The following PRKCA variants were observed in gnomAD, a reference collection of about 807,000 sequenced individuals.
The protein encoded by PRKCA is protein kinase C alpha, also known as protein kinase C alpha type.
In PRKCA, 27 loss-of-function variants were observed where a neutral mutation model predicts 87.0. That is an observed-to-expected ratio of 0.31 (90% confidence interval 0.23 to 0.43). The LOEUF is 0.43. Among genes scored for constraint, PRKCA ranks in the 20% least tolerant of loss-of-function variants. PRKCA has a pLI of 1.00. For synonymous variants in PRKCA, 329 were observed against 311.1 expected (o/e 1.06, Z -0.61); for missense variants, 518 against 852.3 (o/e 0.61, Z 4.88).
chr17:66,747,239 T>A (rs1217276205), intron 13 of PRKCA, among the ~76,000 whole-genome samples: 1 of 152,122 alleles, frequency 6.6e-6, no homozygotes, highest in Non-Finnish European at 1.5e-5. Context: ...CTGCTAATTT[T>A]AAAAAAATTT....
intron 3 of PRKCA, among the ~76,000 whole-genome samples, chr17:66,623,526 C>G (rs1970753510): frequency 6.6e-6 from 1 of 152,024 alleles, no homozygotes; most frequent in Non-Finnish European, 1.5e-5. Context: ...TGTGCCGTGC[C>G]TTGGGAGGGA....
intron 3 of PRKCA, among the ~76,000 whole-genome samples, chr17:66,585,232 A>AT (rs1282198390): frequency 6.6e-6 from 1 of 152,144 alleles, no homozygotes; most frequent in Non-Finnish European, 1.5e-5. Context: ...GGCCAGCGCC[A>AT]TGTTGCCTGC....
At chr17:66,380,811 T>G (rs1410304045) in intron 2 of PRKCA, among the ~76,000 whole-genome samples, 2 of 152,132 alleles carry the variant, frequency 1.3e-5, no homozygotes, top group African/African-American at 2.4e-5. Context: ...GTTTAACCAA[T>G]GAAATGATGC....
chr17:66,579,114 C>T (rs910932220), intron 3 of PRKCA, among the ~76,000 whole-genome samples: 2 of 152,216 alleles, frequency 1.3e-5, no homozygotes, highest in Non-Finnish European at 2.9e-5. Context: ...TCAGCCCCTG[C>T]TGTGGCGCTG....
At chr17:66,682,133 C>A (rs1972510489) in intron 5 of PRKCA, among the ~76,000 whole-genome samples, 1 of 152,190 alleles carries the variant, frequency 6.6e-6, no homozygotes, top group African/African-American at 2.4e-5. Context: ...ACTCTCATGT[C>A]CTGGGTTCCC....
chr17:66,432,400 A>T (rs1378103906), intron 2 of PRKCA, among the ~76,000 whole-genome samples: 1 of 151,954 alleles, frequency 6.6e-6, no homozygotes, highest in Non-Finnish European at 1.5e-5. Flanking sequence ...TACTTCCCCC[A>T]AGCACACTCT....
chr17:66,493,212 T>C (rs1402975487), intron 2 of PRKCA, among the ~76,000 whole-genome samples: 1 of 152,172 alleles, frequency 6.6e-6, no homozygotes, highest in Non-Finnish European at 1.5e-5. Context: ...AAAAGAATTA[T>C]CCATGATTCT....
intron 13 of PRKCA, among the ~76,000 whole-genome samples, chr17:66,755,543 T>A (rs1366433921): frequency 6.6e-6 from 1 of 152,186 alleles, no homozygotes; most frequent in African/African-American, 2.4e-5. Flanking sequence ...TTATGGCTTA[T>A]TTTATTGAAG....
In PRKCA at chr17:66,666,061, T is replaced by G. The variant is rs541287567; in HGVS notation, c.529+20550T>G. On this transcript the variant is annotated intron_variant, in intron 5 of 16. Coordinates refer to ENST00000413366, the MANE Select transcript of PRKCA (RefSeq NM_002737.3). ...TATGAATTTACAGAGAACAATAAAG[T>G]TGACCATGTGACTTGATGAGAGCAA... is the stretch of plus-strand genomic sequence containing the variant. 7.9e-5 allele frequency among the ~76,000 whole-genome samples: 12 copies of G among 152,270 alleles called. 1 individual carries two copies. In the South Asian group the frequency reaches 2.3e-3, roughly 29 times the overall value.
intron 3 of PRKCA, 71 bp downstream of exon 3, chr17:66,496,354 C>A: frequency 7.5e-7 from 1 of 1,332,672 alleles, no homozygotes; most frequent in Non-Finnish European, 1.1e-6. Context: ...AACGCCTGTG[C>A]AACTGTTAGT....
intron 2 of PRKCA, among the ~76,000 whole-genome samples, chr17:66,325,900 C>T (rs1238943171): frequency 6.6e-6 from 1 of 152,046 alleles, no homozygotes; most frequent in African/African-American, 2.4e-5. Context: ...TAAAACTGGA[C>T]TTTTGTGTAA....
At chr17:66,579,109 C>T (rs1416969389) in intron 3 of PRKCA, among the ~76,000 whole-genome samples, 1 of 152,198 alleles carries the variant, frequency 6.6e-6, no homozygotes, top group African/African-American at 2.4e-5. Flanking sequence ...CACAGTCAGC[C>T]CCTGCTGTGG....
intron 14 of PRKCA, chr17:66,777,706 C>A: frequency 4.1e-6 from 4 of 985,356 alleles, no homozygotes; most frequent in South Asian, 4.7e-5. Context: ...GAAAACAAAC[C>A]CTGCTTTCAT....
At chr17:66,663,030 C>A (rs1283989457) in intron 5 of PRKCA, among the ~76,000 whole-genome samples, 1 of 152,220 alleles carries the variant, frequency 6.6e-6, no homozygotes, top group African/African-American at 2.4e-5. Context: ...CCCTCTTCTG[C>A]TGGCGGATGG....
intron 2 of PRKCA, among the ~76,000 whole-genome samples, chr17:66,448,303 C>T (rs765082928): frequency 3.3e-5 from 5 of 152,106 alleles, no homozygotes; most frequent in African/African-American, 7.2e-5. Context: ...ATTGGAAAAA[C>T]GAGATCTGTT....
intron 3 of PRKCA, among the ~76,000 whole-genome samples, chr17:66,519,432 C>G (rs1967081912): frequency 6.6e-6 from 1 of 152,144 alleles, no homozygotes; most frequent in Admixed American, 6.6e-5. Context: ...ATTTTGTTGA[C>G]TGGGGCCTTA....
chr17:66,303,095 G>GCGTCCGCCC, intron 1 of PRKCA, 71 bp downstream of exon 1: 1 of 1,565,450 alleles, frequency 6.4e-7, no homozygotes. Context: ...GCGCTCCGGC[G>GCGTCCGCCC]CGTCCGCCCC....
At position 66,716,420 on chromosome 17, in the gene PRKCA, G is replaced by A. The variant is rs568618639; in HGVS notation, c.919-16268G>A. 1.3e-3 allele frequency among the ~76,000 whole-genome samples: 205 copies of A among 152,176 alleles called. 1 individual carries two copies. The highest frequency in any genetic ancestry group is 3.1e-3 in the African/African-American group (130 of 41,500). On this transcript the variant is annotated intron_variant, in intron 8 of 16. Coordinates refer to ENST00000413366, the MANE Select transcript of PRKCA (RefSeq NM_002737.3). ...GCGCACTGGGCCTTCCTCTAAGCCG[G>A]GCATCAGACGCAAGTGTGCCATCAG...
intron 13 of PRKCA, among the ~76,000 whole-genome samples, chr17:66,759,621 A>G (rs1285033815): frequency 6.6e-6 from 1 of 152,224 alleles, no homozygotes; most frequent in African/African-American, 2.4e-5. Flanking sequence ...TTTCAAAGTC[A>G]TTGGTCTAAA....
Sources: allele counts gnomAD v4.1 joint callset (sites outside exome capture counted in the v4.1 genomes callset), GRCh38; gene constraint gnomAD v4.1.1; transcripts MANE v1.5; gene names NCBI Gene and HGNC (gene_info 2026-07-23, HGNC 2026-07-21).